The following FRMD5 variants were observed in gnomAD, a reference collection of about 807,000 sequenced individuals.
The protein encoded by FRMD5 is FERM domain containing 5, also known as FERM domain-containing protein 5.
A neutral mutation model predicts 69.0 loss-of-function variants in FRMD5; 20 were observed. The ratio of observed to expected loss-of-function variants is 0.29; its 90% CI spans 0.20 to 0.42. FRMD5 has a LOEUF of 0.42. Ranked by LOEUF, FRMD5 falls within the 10% of genes least tolerant of loss-of-function variation. FRMD5 has a pLI of 1.00. For synonymous variants in FRMD5, 271 were observed against 260.1 expected (o/e 1.04, Z -0.40); for missense variants, 595 against 708.6 (o/e 0.84, Z 1.82).
chr15:44,178,339 T>TA (rs1210767451), intron 1 of FRMD5, among the ~76,000 whole-genome samples: 3 of 151,578 alleles, frequency 2.0e-5, no homozygotes, highest in Non-Finnish European at 2.9e-5. Context: ...ATAAATAAAA[T>TA]AAAAAAATTA....
intron 1 of FRMD5, among the ~76,000 whole-genome samples, chr15:43,931,479 C>T (rs143248040): frequency 7.6e-4 from 115 of 152,252 alleles, no homozygotes; most frequent in Non-Finnish European, 7.8e-4. Flanking sequence ...TCTCATACAA[C>T]GCTGCTTCAA....
chr15:43,981,384 A>C (rs1022250481), intron 1 of FRMD5, among the ~76,000 whole-genome samples: 2 of 152,216 alleles, frequency 1.3e-5, no homozygotes, highest in Non-Finnish European at 2.9e-5. Flanking sequence ...TAAATGGATT[A>C]TCATAAAGGT....
chr15:44,123,636 T>C (rs557733225), intron 1 of FRMD5, among the ~76,000 whole-genome samples: 4 of 152,124 alleles, frequency 2.6e-5, no homozygotes, highest in Admixed American at 6.5e-5. Flanking sequence ...ACACAACACA[T>C]TGAGAAAACT....
rs1204234666 is a variant in FRMD5 at position 43,870,940 on chromosome 15, T to A, written c.*2945A>T. 6.6e-6 allele frequency: 1 copy of A among 152,196 alleles called. No homozygotes were observed. Among genetic ancestry groups the A allele is most frequent in the Non-Finnish European group, 1.5e-5 (1 of 68,030 alleles). The allele number at this position is 152,196 out of a possible 1,614,324, so 9.4% of individuals were successfully genotyped here. ...ATATTTTTAAATGTATCTAAGAAAT[T>A]CACATTTGCAGGTAGTTTACCCTCT... On this transcript the variant is annotated 3_prime_UTR_variant, in exon 14 of 14. Transcript: ENST00000417257.
intron 1 of FRMD5, among the ~76,000 whole-genome samples, chr15:44,069,350 C>T (rs1893435897): frequency 6.6e-6 from 1 of 152,100 alleles, no homozygotes; most frequent in Admixed American, 6.6e-5. Context: ...AAATGAAAAC[C>T]TATGCTCACA....
chr15:43,873,618 G>A lies in FRMD5; in HGVS notation c.*267C>T. 6.8e-7 allele frequency: 1 copy of A among 1,461,038 alleles called. No homozygotes were observed. Among genetic ancestry groups the A allele is most frequent in the Non-Finnish European group, 9.0e-7 (1 of 1,115,984 alleles). 90.5% of individuals were successfully genotyped at this position (1,461,038 alleles called of 1,614,324 possible). A position where few individuals can be genotyped will look rare whatever the true frequency, so the allele number is the denominator to read the frequency against. On this transcript the variant is annotated 3_prime_UTR_variant, in exon 14 of 14. Transcript: ENST00000417257. ...AAAATTCAAAACCAAAAATTATCCT[G>A]CAAATTGGAAAGATGAGAAACAGAG...
At chr15:43,965,378 A>T (rs1425329720) in intron 1 of FRMD5, among the ~76,000 whole-genome samples, 1 of 152,120 alleles carries the variant, frequency 6.6e-6, no homozygotes, top group African/African-American at 2.4e-5. Context: ...TTGCAAAGCA[A>T]GTCTTATTAC....
At chr15:44,009,892 A>C (rs1890635290) in intron 1 of FRMD5, among the ~76,000 whole-genome samples, 1 of 152,212 alleles carries the variant, frequency 6.6e-6, no homozygotes, top group African/African-American at 2.4e-5. Context: ...GTAAGAATGG[A>C]GACAGAAATT....
intron 1 of FRMD5, among the ~76,000 whole-genome samples, chr15:44,143,989 TAA>T (rs2077316216): frequency 6.6e-6 from 1 of 150,860 alleles, no homozygotes; most frequent in African/African-American, 2.4e-5. Flanking sequence ...TTCTTGACTG[TAA>T]AAGAGAAACG....
chr15:43,972,322 C>T (rs2090393374), intron 1 of FRMD5, among the ~76,000 whole-genome samples: 1 of 151,960 alleles, frequency 6.6e-6, no homozygotes, highest in African/African-American at 2.4e-5. Flanking sequence ...TATTAAAAAG[C>T]ATATATAAGT....
At position 43,902,157 on chromosome 15, in the gene FRMD5, C is replaced by T; in HGVS notation, c.639+18G>A. 1 of 1,599,756 alleles carries T rather than the reference C, an allele frequency of 6.3e-7. No individual in the cohort carries two copies. The highest frequency in any genetic ancestry group is 8.6e-7 in the Non-Finnish European group (1 of 1,167,038). On this transcript the variant is annotated intron_variant, in intron 7 of 13. Coordinates refer to ENST00000417257, the MANE Select transcript of FRMD5 (RefSeq NM_032892.5). The stretch of plus-strand genomic sequence containing the variant: ...TAGAGGAGGAAAGGTCATGCAGTCT[C>T]CAACCAGGGGGTCTTACCTTACATG...
In FRMD5 at chr15:43,888,189, G is replaced by A; in HGVS notation, c.870C>T (p.Asn290=). ...CKHLWKCGIE[N]QAFYKLEKSS... is the part of the protein sequence containing the mutation. The stretch of plus-strand genomic sequence containing the variant: ...TATCCACTCACTTGTAGAAGGCTTG[G>A]TTCTCGATTCCACATTTCCAGAGGT... The change falls in exon 10 of 14, where the codon AAC becomes AAT. Residue 290 remains asparagine, a synonymous_variant. Coordinates refer to ENST00000417257, the MANE Select transcript of FRMD5 (RefSeq NM_032892.5). The A allele has an allele frequency of 6.2e-7, 1 of 1,612,700 alleles. No individual in the cohort carries two copies. The highest frequency in any genetic ancestry group is 8.5e-7 in the Non-Finnish European group (1 of 1,178,648).
chr15:44,154,683 G>A (rs963108845), intron 1 of FRMD5, among the ~76,000 whole-genome samples: 1 of 152,288 alleles, frequency 6.6e-6, no homozygotes, highest in Non-Finnish European at 1.5e-5. Context: ...CAGTCACAAA[G>A]TACCTCATGT....
chr15:43,929,728 G>C (rs2089643105), intron 1 of FRMD5, among the ~76,000 whole-genome samples: 1 of 152,214 alleles, frequency 6.6e-6, no homozygotes, highest in Non-Finnish European at 1.5e-5. Flanking sequence ...GTTGTCCTTG[G>C]AGGCCTGCCG....
intron 1 of FRMD5, among the ~76,000 whole-genome samples, chr15:43,928,791 C>T (rs2089628742): frequency 6.6e-6 from 1 of 152,180 alleles, no homozygotes; most frequent in African/African-American, 2.4e-5. Context: ...ATTGATTATA[C>T]CGGAGAAACA....
chr15:43,888,281 A>G lies in FRMD5; in HGVS notation c.793-15T>C. On this transcript the variant is annotated splice_polypyrimidine_tract_variant and intron_variant, in intron 9 of 13. Transcript: ENST00000417257. ...ATTTTCTTTTCCTGCAAAAAATTCC[A>G]CATTGATATGGCTGAGTGTGGATGG... The G allele has an allele frequency of 6.4e-7, 1 of 1,570,862 alleles. No individual in the cohort carries two copies. The highest frequency in any genetic ancestry group is 1.1e-5 in the South Asian group (1 of 90,148).
In FRMD5 at chr15:43,883,740, C is replaced by T. The variant is rs1423349906; in HGVS notation, c.1098G>A (p.Arg366=). The change falls in exon 13 of 14, where the codon AGG becomes AGA. Residue 366 remains arginine, a synonymous_variant. Transcript: ENST00000417257. Reference sequence around the variant, plus strand: ...AGATGTGAACAGCTCTTCTGCGGGTCCTGGGGACGCTGCTCAGCCTTGGGC... The same window carrying T: ...AGATGTGAACAGCTCTTCTGCGGGTTCTGGGGACGCTGCTCAGCCTTGGGC... ...THGPRLSSVP[R]TRRRAVHISI... 6.2e-7 allele frequency: 1 copy of T among 1,613,820 alleles called. No individual in the cohort carries two copies. The highest frequency in any genetic ancestry group is 8.5e-7 in the Non-Finnish European group (1 of 1,179,830).
At chr15:44,135,958 C>G (rs1241113724) in intron 1 of FRMD5, among the ~76,000 whole-genome samples, 6 of 151,878 alleles carry the variant, frequency 4.0e-5, no homozygotes, top group Non-Finnish European at 5.9e-5. Context: ...AATCTGACAC[C>G]AGTTAAGTTT....
chr15:44,041,479 T>A (rs980597321), intron 1 of FRMD5, among the ~76,000 whole-genome samples: 2 of 152,160 alleles, frequency 1.3e-5, no homozygotes, highest in African/African-American at 4.8e-5. Context: ...GAATATACAT[T>A]CTGCTCAGCA....
Sources: allele counts gnomAD v4.1 joint callset (sites outside exome capture counted in the v4.1 genomes callset), GRCh38; gene constraint gnomAD v4.1.1; transcripts MANE v1.5; gene names NCBI Gene and HGNC (gene_info 2026-07-23, HGNC 2026-07-21).